The following KCNIP4 variants were observed in gnomAD, a reference collection of about 807,000 sequenced individuals.
KCNIP4 encodes the protein potassium voltage-gated channel interacting protein 4, also known as Kv channel-interacting protein 4.
In KCNIP4, 12 loss-of-function variants were observed where a neutral mutation model predicts 34.0. The ratio of observed to expected loss-of-function variants is 0.35; its 90% CI spans 0.23 to 0.57. KCNIP4 has a LOEUF of 0.57. KCNIP4 is among the 20% of genes least tolerant of loss of function. The pLI is 0.83. For synonymous variants in KCNIP4, 124 were observed against 102.2 expected, an observed-to-expected ratio of 1.21 and a Z score of -1.29; for missense variants, 238 against 311.7, an observed-to-expected ratio of 0.76 and a Z score of 1.78.
At chr4:21,659,660 T>C (rs1748280989) in intron 1 of KCNIP4, among the ~76,000 whole-genome samples, 1 of 152,138 alleles carries the variant, frequency 6.6e-6, no homozygotes, top group Non-Finnish European at 1.5e-5. Flanking sequence ...TGGCCTAGGG[T>C]GAGTACTTAA....
chr4:21,554,873 T>G (rs533570441), intron 1 of KCNIP4, among the ~76,000 whole-genome samples: 2 of 152,270 alleles, frequency 1.3e-5, no homozygotes, highest in East Asian at 3.9e-4. Flanking sequence ...ACTAGCACAC[T>G]GCACACTAGG....
At chr4:21,547,803 G>A (rs1294163843) in intron 1 of KCNIP4, among the ~76,000 whole-genome samples, 1 of 152,028 alleles carries the variant, frequency 6.6e-6, no homozygotes, top group Admixed American at 6.6e-5. Context: ...GCTTGGGGAT[G>A]AGTTCCAAGC....
intron 1 of KCNIP4, among the ~76,000 whole-genome samples, chr4:21,795,355 C>T (rs1169152509): frequency 1.3e-5 from 2 of 152,178 alleles, no homozygotes; most frequent in African/African-American, 2.4e-5. Context: ...GTGAGAAAAA[C>T]GTCTGTTGCG....
At chr4:20,983,068 A>G (rs1736239690) in intron 1 of KCNIP4, among the ~76,000 whole-genome samples, 1 of 152,242 alleles carries the variant, frequency 6.6e-6, no homozygotes, top group Non-Finnish European at 1.5e-5. Flanking sequence ...TGATACATAC[A>G]TATACATTCA....
intron 1 of KCNIP4, chr4:21,849,887 C>A (rs1409602103): frequency 2.0e-5 from 3 of 151,918 alleles, no homozygotes; most frequent in African/African-American, 4.8e-5. Flanking sequence ...ATTCACTACA[C>A]AAATAAGACT....
At chr4:20,839,689 A>C (rs1429961540) in intron 3 of KCNIP4, among the ~76,000 whole-genome samples, 1 of 152,122 alleles carries the variant, frequency 6.6e-6, no homozygotes, top group East Asian at 1.9e-4. Context: ...TAACAATAAT[A>C]GCAGCTACAT....
At chr4:21,828,366 G>A (rs534062889) in intron 1 of KCNIP4, among the ~76,000 whole-genome samples, 4 of 151,908 alleles carry the variant, frequency 2.6e-5, no homozygotes, top group African/African-American at 9.6e-5. Flanking sequence ...TCTGAAGGTA[G>A]TGTAAGAAGG....
chr4:21,123,146 G>C (rs1454400530), intron 1 of KCNIP4, among the ~76,000 whole-genome samples: 1 of 152,032 alleles, frequency 6.6e-6, no homozygotes, highest in Non-Finnish European at 1.5e-5. Flanking sequence ...CCTGGAAGGC[G>C]GAGTTTGCAG....
chr4:21,882,256 T>G (rs1451478109), intron 1 of KCNIP4, among the ~76,000 whole-genome samples: 1 of 152,106 alleles, frequency 6.6e-6, no homozygotes, highest in East Asian at 1.9e-4. Flanking sequence ...ACTCATAAAG[T>G]GACTATTACT....
At chr4:21,827,509 A>G (rs1722743831) in intron 1 of KCNIP4, among the ~76,000 whole-genome samples, 2 of 152,150 alleles carry the variant, frequency 1.3e-5, no homozygotes, top group African/African-American at 4.8e-5. Context: ...GGCCAAAAAC[A>G]AAGTGAAAGC....
At chr4:21,824,840 T>C (rs1722578424) in intron 1 of KCNIP4, among the ~76,000 whole-genome samples, 1 of 152,126 alleles carries the variant, frequency 6.6e-6, no homozygotes, top group African/African-American at 2.4e-5. Flanking sequence ...CCTCCATCAT[T>C]CAATCAACAG....
intron 1 of KCNIP4, among the ~76,000 whole-genome samples, chr4:21,757,152 A>C (rs1027505705): frequency 3.7e-5 from 1 of 26,942 alleles, no homozygotes; most frequent in Non-Finnish European, 7.1e-5. Context: ...AGAAAGAAAG[A>C]AAGAAAGAAA....
intron 1 of KCNIP4, among the ~76,000 whole-genome samples, chr4:21,283,568 C>T (rs936150332): frequency 6.9e-6 from 1 of 145,102 alleles, no homozygotes; most frequent in Admixed American, 7.2e-5. Flanking sequence ...TAAGTTTTTA[C>T]AGACAAACTA....
intron 1 of KCNIP4, among the ~76,000 whole-genome samples, chr4:21,262,076 T>C (rs1761506539): frequency 6.6e-6 from 1 of 152,210 alleles, no homozygotes; most frequent in Non-Finnish European, 1.5e-5. Context: ...TCCCAACAGA[T>C]ACATCCTTTC....
At chr4:21,310,819 G>A (rs892864755) in intron 1 of KCNIP4, among the ~76,000 whole-genome samples, 1 of 151,716 alleles carries the variant, frequency 6.6e-6, no homozygotes, top group African/African-American at 2.4e-5. Flanking sequence ...TAATAGAGAC[G>A]GGGTTTCACC....
At chr4:20,891,092 T>G (rs1007888404) in intron 1 of KCNIP4, among the ~76,000 whole-genome samples, 20 of 152,200 alleles carry the variant, frequency 1.3e-4, no homozygotes, top group Non-Finnish European at 2.5e-4. Flanking sequence ...TTCCTCCTTT[T>G]TGCAGTACAG....
intron 1 of KCNIP4, among the ~76,000 whole-genome samples, chr4:20,896,974 G>A (rs1413632903): frequency 1.3e-5 from 2 of 151,586 alleles, no homozygotes; most frequent in East Asian, 1.9e-4. Context: ...CTCATCCCAG[G>A]CAAATTAGTC....
intron 1 of KCNIP4, among the ~76,000 whole-genome samples, chr4:21,356,476 T>C (rs1718611632): frequency 6.6e-6 from 1 of 152,168 alleles, no homozygotes; most frequent in South Asian, 2.1e-4. Context: ...AATCTCAAGA[T>C]ACAAAATCAG....
intron 1 of KCNIP4, chr4:21,844,968 AAG>A (rs1491448747): frequency 2.0e-5 from 3 of 151,910 alleles, no homozygotes; most frequent in Admixed American, 2.0e-4. Flanking sequence ...CAAAAAAAAA[AAG>A]AGGTTCTAAA....
Sources: gnomAD v4.1 joint callset for allele counts (sites outside exome capture counted in the v4.1 genomes callset) on GRCh38, gnomAD v4.1.1 for gene constraint, MANE v1.5 for transcripts, NCBI Gene and HGNC (gene_info 2026-07-23, HGNC 2026-07-21) for gene names.